Variants in MAP7 observed in about 807,000 individuals in gnomAD.
The protein encoded by MAP7 is microtubule associated protein 7.
A neutral mutation model predicts 94.8 loss-of-function variants in MAP7; 52 were observed. The observed-to-expected ratio is 0.55, with a 90% CI of 0.44 to 0.69. The LOEUF (loss-of-function observed/expected upper bound fraction) is 0.69, where lower values mean the gene tolerates loss of function less well. Among genes scored for constraint, MAP7 ranks in the 30% least tolerant of loss-of-function variants. The pLI is 0.00. For missense variants in MAP7, 940 were observed against 964.6 expected (o/e 0.97, Z 0.34); for synonymous variants, 350 against 357.0 (o/e 0.98, Z 0.22).
At chr6:136,360,632 G>A in intron 13 of MAP7, 65 bp downstream of exon 13, 1 of 1,416,460 alleles carries the variant, frequency 7.1e-7, no homozygotes, top group Middle Eastern at 1.8e-4. Context: ...TGACGGCCAG[G>A]GCTAGTCTCT....
chr6:136,369,965 G>A (rs375952446), intron 8 of MAP7, among the ~76,000 whole-genome samples: 1 of 151,976 alleles, frequency 6.6e-6, no homozygotes, highest in East Asian at 1.9e-4. Flanking sequence ...ATATATCAAA[G>A]GAAACAATCA....
intron 1 of MAP7, among the ~76,000 whole-genome samples, chr6:136,441,769 C>T (rs1342393102): frequency 6.6e-6 from 1 of 152,158 alleles, no homozygotes; most frequent in African/African-American, 2.4e-5. Context: ...AATCCCAACA[C>T]TTTGGAAGGC....
At chr6:136,413,525 GAA>G (rs61053216) in intron 2 of MAP7, among the ~76,000 whole-genome samples, 4 of 105,386 alleles carry the variant, frequency 3.8e-5, no homozygotes, top group Admixed American at 1.0e-4. Flanking sequence ...CACCGTCTCA[GAA>G]AAAAAAAAAA....
At chr6:136,365,671 C>G in intron 10 of MAP7, 64 bp downstream of exon 10, 1 of 1,520,588 alleles carries the variant, frequency 6.6e-7, no homozygotes, top group Non-Finnish European at 8.8e-7. Flanking sequence ...ACAAAAAAAG[C>G]TTCATCAAAA....
intron 1 of MAP7, among the ~76,000 whole-genome samples, chr6:136,527,972 AT>A (rs1220246564): frequency 6.6e-6 from 1 of 152,210 alleles, no homozygotes; most frequent in Non-Finnish European, 1.5e-5. Context: ...AATTGTGTCA[AT>A]CTGTGCAGTG....
intron 2 of MAP7, chr6:136,420,013 G>T: frequency 1.2e-6 from 1 of 809,280 alleles, no homozygotes; most frequent in Non-Finnish European, 2.2e-6. Flanking sequence ...AAGGATATTA[G>T]CCACCACCAC....
intron 1 of MAP7, among the ~76,000 whole-genome samples, chr6:136,529,322 G>GT (rs1828284958): frequency 6.6e-6 from 1 of 151,972 alleles, no homozygotes; most frequent in Non-Finnish European, 1.5e-5. Flanking sequence ...GTTTCACTAT[G>GT]TTGGCCAGGC....
At position 136,361,097 on chromosome 6, in the gene MAP7, C is replaced by G. The variant is rs142006982; in HGVS notation, c.1609G>C (p.Glu537Gln). ...REEESRRLEA[E>Q]QAREKEEQLQ... is the part of the protein sequence containing the mutation. ...TGCTCCTCCTTCTCCCGGGCCTGCT[C>G]GGCTTCCAGCCTGCGCGACTCCTCC... The change falls in exon 12 of 18, where the codon GAG (glutamate) becomes CAG (glutamine). Residue 537 changes from glutamate to glutamine, a missense_variant. Physicochemically the swap from Glu to Gln is conservative, Grantham distance 29. Coordinates refer to ENST00000354570, the MANE Select transcript of MAP7 (RefSeq NM_003980.6). 1 of 1,604,850 alleles carries G rather than the reference C, an allele frequency of 6.2e-7. No individual in the cohort carries two copies. The highest frequency in any genetic ancestry group is 1.3e-5 in the African/African-American group (1 of 74,944).
intron 1 of MAP7, among the ~76,000 whole-genome samples, chr6:136,541,754 C>A (rs548352453): frequency 6.6e-6 from 1 of 152,262 alleles, no homozygotes; most frequent in African/African-American, 2.4e-5. Flanking sequence ...ATATATTACT[C>A]TTCAAATCAA....
intron 2 of MAP7, among the ~76,000 whole-genome samples, chr6:136,415,191 C>T (rs1466897653): frequency 6.6e-6 from 1 of 152,126 alleles, no homozygotes; most frequent in African/African-American, 2.4e-5. Context: ...TCAAGCAATC[C>T]TCCTGCCTCA....
intron 1 of MAP7, among the ~76,000 whole-genome samples, chr6:136,443,448 ACT>A (rs1491501184): frequency 9.3e-6 from 1 of 107,764 alleles, no homozygotes; most frequent in Non-Finnish European, 1.8e-5. Context: ...TTCCCCTTCT[ACT>A]TTTTTTTTTT....
rs138924240 is a variant in MAP7, at chr6:136,401,327, G to A, written c.244+10293C>T. Among the ~76,000 whole-genome samples the A allele has an allele frequency of 1.0e-3, 154 of 152,288 alleles. 1 individual carries two copies. The highest frequency in any genetic ancestry group is 3.6e-3 in the African/African-American group (148 of 41,572). On this transcript the variant is annotated intron_variant, in intron 3 of 17. Transcript: ENST00000354570. ...TGATTGCACCACTGCACTCCATCCT[G>A]GGTGACATGTTTATTGAGGCACTAT...
intron 16 of MAP7, among the ~76,000 whole-genome samples, chr6:136,347,384 T>G (rs1271234981): frequency 1.3e-5 from 2 of 152,158 alleles, no homozygotes; most frequent in Non-Finnish European, 2.9e-5. Flanking sequence ...GCTTTTTTTT[T>G]GCCTGATTGA....
At chr6:136,371,213 TCAA>T (rs1439410565) in intron 8 of MAP7, among the ~76,000 whole-genome samples, 1 of 152,220 alleles carries the variant, frequency 6.6e-6, no homozygotes, top group African/African-American at 2.4e-5. Flanking sequence ...CAGGTGGCCC[TCAA>T]CCTTCTCTCA....
At chr6:136,513,658 G>A (rs1050680968) in intron 1 of MAP7, among the ~76,000 whole-genome samples, 12 of 152,208 alleles carry the variant, frequency 7.9e-5, no homozygotes, top group Admixed American at 4.6e-4. Context: ...GTGATAATGC[G>A]ACCTGAGTAT....
chr6:136,372,360 C>T, intron 8 of MAP7, 141 bp downstream of exon 8: 1 of 1,001,294 alleles, frequency 1.0e-6, no homozygotes. Flanking sequence ...TAGCCAGATT[C>T]ATGATCAATG....
rs1384615988 is a variant in MAP7 at position 136,388,457 on chromosome 6, T to A, written c.462A>T (p.Lys154Asn). The change falls in exon 5 of 18, where the codon AAA (lysine) becomes AAT (asparagine). Residue 154 changes from lysine (K) to asparagine (N), a missense_variant. Lys to Asn is a moderately conservative substitution (Grantham distance 94). Transcript: ENST00000354570. ...CCCACGACCAACGGTTATGCTTCTG[T>A]TTTGGCTTCTGGCTCCTTTCCATTG... ...RRTMERSQKP[K>N]QKHNRWSWGG... 1 of 1,614,160 alleles carries A rather than the reference T, an allele frequency of 6.2e-7. No individual in the cohort carries two copies. The highest frequency in any genetic ancestry group is 1.7e-5 in the Admixed American group (1 of 60,020).
chr6:136,391,013 G>T (rs1780544657), intron 3 of MAP7, among the ~76,000 whole-genome samples: 2 of 152,160 alleles, frequency 1.3e-5, no homozygotes, highest in South Asian at 4.1e-4. Flanking sequence ...GGTCTTCAAG[G>T]TTCCTACCAA....
intron 1 of MAP7, among the ~76,000 whole-genome samples, chr6:136,440,142 C>A (rs746990918): frequency 1.8e-4 from 27 of 152,204 alleles, no homozygotes; most frequent in Non-Finnish European, 1.5e-4. Flanking sequence ...AGTACAATGA[C>A]AAACGGGTGG....
Sources: gnomAD v4.1 joint callset for allele counts (sites outside exome capture counted in the v4.1 genomes callset) on GRCh38, gnomAD v4.1.1 for gene constraint, MANE v1.5 for transcripts, NCBI Gene and HGNC (gene_info 2026-07-23, HGNC 2026-07-21) for gene names.